RPP40: variants seen among roughly 807,000 people sequenced by gnomAD.
RPP40 encodes the protein ribonuclease P/MRP subunit p40, also known as ribonuclease P protein subunit p40.
RPP40 carries 30 observed loss-of-function variants against 42.5 expected under a neutral mutation model. That is an observed-to-expected ratio of 0.71 (90% CI 0.53 to 0.96). The LOEUF (loss-of-function observed/expected upper bound fraction) is 0.96. Ranked by LOEUF, RPP40 falls within the 40% of genes least tolerant of loss-of-function variation. RPP40 has a pLI of 0.00. For synonymous variants in RPP40, 173 were observed against 164.0 expected (o/e 1.05, Z -0.42); for missense variants, 426 against 433.5 (o/e 0.98, Z 0.15).
chr6:5,003,365 A>AG lies in RPP40; in HGVS notation c.123+514_123+515insC, dbSNP rs1581327337. Among the ~76,000 whole-genome samples, 9 of 147,262 alleles carry AG rather than the reference A, an allele frequency of 6.1e-5. No homozygotes were observed. In the South Asian group the frequency reaches 6.3e-4, roughly 10 times the overall value. On this transcript the variant is annotated intron_variant, in intron 1 of 7. Coordinates refer to ENST00000380051, the MANE Select transcript of RPP40 (RefSeq NM_006638.4). ...CCGTCTAAAAAAAAAAAAAAAAAAAAAAGGAAAATCAGTCGCTTCCTGGGC... is the reference window on the plus strand; with the variant it reads ...CCGTCTAAAAAAAAAAAAAAAAAAAAGAAGGAAAATCAGTCGCTTCCTGGGC...
In RPP40 at chr6:4,996,017, G is replaced by C; in HGVS notation, c.827C>G (p.Ala276Gly). Residue 276 changes from alanine to glycine, a missense_variant, in exon 7 of 8, where the codon GCT becomes GGT. Ala to Gly is a moderately conservative substitution (Grantham distance 60, BLOSUM62 0). Transcript: ENST00000380051. ...CPEPSTVVAK[A>G]YLCTITGFIL... ...GAAGCCAGTGATTGTACACAAATAAGCTTTTGCCACCACTGTGCTTGGCTC... is the reference window on the plus strand; with the variant it reads ...GAAGCCAGTGATTGTACACAAATAACCTTTTGCCACCACTGTGCTTGGCTC... 1 of 1,613,944 alleles carries C rather than the reference G, an allele frequency of 6.2e-7. No homozygotes were observed. The highest frequency in any genetic ancestry group is 1.1e-5 in the South Asian group (1 of 91,070).
At chr6:4,998,014 G>A (rs1046554336) in intron 5 of RPP40, among the ~76,000 whole-genome samples, 2 of 152,188 alleles carry the variant, frequency 1.3e-5, no homozygotes, top group Non-Finnish European at 2.9e-5. Context: ...AGGCACCGAA[G>A]GCCAGACCTA....
At chr6:4,995,379 A>G (rs1759342730) in intron 7 of RPP40, 103 bp from the exon 8 acceptor site, 1 of 814,392 alleles carries the variant, frequency 1.2e-6, no homozygotes, top group African/African-American at 1.7e-5. Flanking sequence ...ATATTCTAAT[A>G]AAGCTTAGAT....
At chr6:5,001,724 G>GTTTTTT in intron 2 of RPP40, 1 of 175,186 alleles carries the variant, frequency 5.7e-6, no homozygotes, top group Admixed American at 5.9e-5. Flanking sequence ...GCTGTATCGG[G>GTTTTTT]AGACCAACCC....
intron 1 of RPP40, 39 bp from the exon 2 acceptor site, chr6:5,002,284 T>G (rs771416955): frequency 6.6e-7 from 1 of 1,511,778 alleles, no homozygotes; most frequent in South Asian, 1.3e-5. Context: ...CTTACTTCCA[T>G]GAAGATGAAC....
intron 2 of RPP40, among the ~76,000 whole-genome samples, chr6:5,001,468 A>G (rs1318376852): frequency 6.6e-6 from 1 of 152,180 alleles, no homozygotes; most frequent in Admixed American, 6.5e-5. Flanking sequence ...GAGGACACAC[A>G]TGGGGGCTAC....
intron 2 of RPP40, chr6:5,001,216 T>C (rs1159671049): frequency 2.2e-6 from 1 of 448,986 alleles, no homozygotes; most frequent in Non-Finnish European, 4.5e-6. Context: ...GTTTCCTCAC[T>C]GTTAAATGAG....
Position 5,004,033 on chromosome 6 carries a change from C to G in RPP40, c.-31G>C. Reference sequence around the variant, plus strand: ...CCTGGGTTCCTGGTCCTCCCGGCCTCCGCTGGCGGGGCACGCCCCGCCCCT... The same window carrying G: ...CCTGGGTTCCTGGTCCTCCCGGCCTGCGCTGGCGGGGCACGCCCCGCCCCT... On this transcript the variant is annotated 5_prime_UTR_variant, in exon 1 of 8. Coordinates refer to ENST00000380051, the MANE Select transcript of RPP40 (RefSeq NM_006638.4). The G allele has an allele frequency of 6.4e-7, 1 of 1,568,888 alleles. No homozygotes were observed.
At chr6:5,001,161 G>A (rs1759547009) in intron 2 of RPP40, 1 of 456,554 alleles carries the variant, frequency 2.2e-6, no homozygotes, top group Non-Finnish European at 4.4e-6. Context: ...CAGAGACAGA[G>A]TTCCAGGTTA....
the RPP40 span, among the ~76,000 whole-genome samples, chr6:4,989,298 C>G: frequency 6.6e-6 from 1 of 152,146 alleles, no homozygotes; most frequent in Admixed American, 6.5e-5. Context: ...CATGTCAATA[C>G]CACACTGTCT....
intron 3 of RPP40, 21 bp from the exon 4 acceptor site, chr6:4,999,925 C>A (rs376548314): frequency 1.4e-6 from 2 of 1,406,794 alleles, no homozygotes; most frequent in South Asian, 2.4e-5. Context: ...AATAATAACT[C>A]CCATAAGATA....
intron 5 of RPP40, among the ~76,000 whole-genome samples, chr6:4,997,199 G>A (rs1483844798): frequency 1.3e-5 from 2 of 152,176 alleles, no homozygotes; most frequent in African/African-American, 4.8e-5. Context: ...TCATCTAGAT[G>A]GCTGGTAAAG....
chr6:4,998,811 A>G lies in RPP40; in HGVS notation c.464T>C (p.Leu155Ser), dbSNP rs762859980. The G allele has an allele frequency of 1.4e-6, 2 of 1,478,460 alleles. No homozygotes were observed. Among genetic ancestry groups the G allele is most frequent in the South Asian group, 2.5e-5 (2 of 80,476 alleles). 91.6% of individuals were successfully genotyped at this position (1,478,460 alleles called of 1,614,324 possible). Residue 155 changes from leucine (L) to serine (S), a missense_variant, in exon 5 of 8, where the codon TTA (leucine) becomes TCA (serine). Transcript: ENST00000380051. ...IVSIDLMELS[L>S]NLDSKKYERI... is the part of the protein sequence containing the mutation. ...TTCATACTTCTTAGAATCCAAGTTT[A>G]AGGATAATTCCATCAAATCAATGGA...
downstream of RPP40, among the ~76,000 whole-genome samples, chr6:4,993,625 G>GT (rs1759291522): frequency 6.6e-6 from 1 of 152,158 alleles, no homozygotes; most frequent in African/African-American, 2.4e-5. Context: ...CCAGTTACCT[G>GT]TAAGGCAGTA....
chr6:5,001,380 C>T (rs1759553568), intron 2 of RPP40, among the ~76,000 whole-genome samples: 1 of 152,170 alleles, frequency 6.6e-6, no homozygotes, highest in Non-Finnish European at 1.5e-5. Flanking sequence ...AGACAAGATG[C>T]CCAGCTCATA....
In RPP40 at chr6:5,002,023, A is replaced by G. The variant is rs1041931305; in HGVS notation, c.268+78T>C. The G allele has an allele frequency of 3.8e-6, 5 of 1,311,050 alleles. No individual in the cohort carries two copies. The African/African-American group carries it at 5.9e-5, about 15-fold the overall frequency. 81.2% of individuals were successfully genotyped at this position (1,311,050 alleles called of 1,614,324 possible). A position where few individuals can be genotyped will look rare whatever the true frequency, so the allele number is the denominator to read the frequency against. The stretch of plus-strand genomic sequence containing the variant: ...CACAGGCCCTGTTTGAAACAAAACA[A>G]CAGCCCTAGCATCGTGATGTGGTCT... On this transcript the variant is annotated intron_variant, in intron 2 of 7. Coordinates refer to ENST00000380051, the MANE Select transcript of RPP40 (RefSeq NM_006638.4).
chr6:4,993,153 A>G (rs1759284189), downstream of RPP40, among the ~76,000 whole-genome samples: 1 of 152,242 alleles, frequency 6.6e-6, no homozygotes, highest in South Asian at 2.1e-4. Context: ...TTCCTTCAGA[A>G]GGCAGGCATT....
chr6:5,004,022 C>T lies in RPP40; in HGVS notation c.-20G>A, dbSNP rs570152358. On this transcript the variant is annotated 5_prime_UTR_variant, in exon 1 of 8. Transcript: ENST00000380051. The stretch of plus-strand genomic sequence containing the variant: ...GGCCATGCTCTCCTGGGTTCCTGGT[C>T]CTCCCGGCCTCCGCTGGCGGGGCAC... The T allele has an allele frequency of 2.5e-6, 4 of 1,576,780 alleles. No individual in the cohort carries two copies. The highest frequency in any genetic ancestry group is 2.6e-6 in the Non-Finnish European group (3 of 1,161,926).
At chr6:4,992,146 G>C (rs1366843619), downstream of RPP40, among the ~76,000 whole-genome samples, 2 of 151,774 alleles carry the variant, frequency 1.3e-5, no homozygotes, top group African/African-American at 4.8e-5. Flanking sequence ...GACCAGCCTG[G>C]CCAATAAGGT....
Sources: allele counts gnomAD v4.1 joint callset (sites outside exome capture counted in the v4.1 genomes callset), GRCh38; gene constraint gnomAD v4.1.1; transcripts MANE v1.5; gene names NCBI Gene and HGNC (gene_info 2026-07-23, HGNC 2026-07-21).